The following KBTBD11 variants were observed in gnomAD, a reference collection of about 807,000 sequenced individuals.
KBTBD11 encodes the protein kelch repeat and BTB domain-containing protein 11.
For missense variants in KBTBD11, 1,390 were observed against 1,001.8 expected, an observed-to-expected ratio of 1.39 and a Z score of -5.23; for synonymous variants, 747 against 499.0, an observed-to-expected ratio of 1.50 and a Z score of -6.63.
chr8:1,991,551 CAT>C (rs1198797327), intron 1 of KBTBD11, among the ~76,000 whole-genome samples: 15 of 152,190 alleles, frequency 9.9e-5, no homozygotes, highest in African/African-American at 3.6e-4. Flanking sequence ...CTCTGTGATC[CAT>C]GAGGGCAGGG....
At chr8:1,989,449 A>G (rs1032198053) in intron 1 of KBTBD11, among the ~76,000 whole-genome samples, 4 of 152,196 alleles carry the variant, frequency 2.6e-5, no homozygotes, top group African/African-American at 9.7e-5. Flanking sequence ...TTGACCGCAC[A>G]CTTCTGTGCA....
At chr8:1,980,718 C>T (rs1012023088) in intron 1 of KBTBD11, among the ~76,000 whole-genome samples, 3 of 152,204 alleles carry the variant, frequency 2.0e-5, no homozygotes, top group Non-Finnish European at 2.9e-5. Flanking sequence ...GGTGGCACCA[C>T]GCAGCCGCCA....
rs1360778178 is a variant in KBTBD11 at position 2,002,013 on chromosome 8, G to T, written c.821G>T (p.Gly274Val). The T allele has an allele frequency of 4.6e-5, 65 of 1,411,796 alleles. No individual in the cohort carries two copies. Among genetic ancestry groups the T allele is most frequent in the Non-Finnish European group, 5.6e-5 (60 of 1,072,988 alleles). 87.5% of individuals were successfully genotyped at this position (1,411,796 alleles called of 1,614,324 possible). A position where few individuals can be genotyped will look rare whatever the true frequency, so the allele number is the denominator to read the frequency against. The change falls in exon 2 of 2, where the codon GGC becomes GTC. Residue 274 changes from glycine (G) to valine (V), a missense_variant. Physicochemically the swap from Gly to Val is moderately radical, Grantham distance 109. Transcript: ENST00000320248. The surrounding 1 kb of genome is among the most constrained non-coding windows in gnomAD (Gnocchi z 4.1). Reference protein sequence around the residue: ...LEVLREPAVFGRLSGAERDLL... With the variant: ...LEVLREPAVFVRLSGAERDLL... ...GTGCTGCGCGAGCCCGCCGTGTTCG[G>T]CCGCCTGTCGGGCGCAGAGCGGGAC...
chr8:2,003,009 C>A lies in KBTBD11; in HGVS notation c.1817C>A (p.Pro606Gln). ...TTGGACGTCCGGGGTGTGCTCATCC[C>A]GTTCGCTCTCAGCCTGCCTGAGAAG... is the stretch of plus-strand genomic sequence containing the variant. ...APLDVRGVLI[P>Q]FALSLPEKPP... The change falls in exon 2 of 2, where the codon CCG (proline) becomes CAG (glutamine). Residue 606 changes from proline to glutamine, a missense_variant. Coordinates refer to ENST00000320248, the MANE Select transcript of KBTBD11 (RefSeq NM_014867.3). The A allele has an allele frequency of 7.7e-7, 1 of 1,293,460 alleles. No homozygotes were observed. The highest frequency in any genetic ancestry group is 9.8e-7 in the Non-Finnish European group (1 of 1,020,680). The allele number at this position is 1,293,460 out of a possible 1,614,324, so 80.1% of individuals were successfully genotyped here.
rs138584304 is a variant in KBTBD11 at position 1,991,787 on chromosome 8, C to T, written c.-908-8498C>T. ...GTGAGTGGGCCTTCTCGTTTTAGGA[C>T]GAGATCACTGAATGGAGCAAATTGC... On this transcript the variant is annotated intron_variant, in intron 1 of 1. Coordinates refer to ENST00000320248, the MANE Select transcript of KBTBD11 (RefSeq NM_014867.3). Among the ~76,000 whole-genome samples the T allele has an allele frequency of 7.1e-4, 108 of 151,892 alleles. 1 individual carries two copies. The highest frequency in any genetic ancestry group is 1.9e-3 in the African/African-American group (80 of 41,334).
chr8:1,983,437 C>G (rs111485522), intron 1 of KBTBD11, among the ~76,000 whole-genome samples: 9 of 152,210 alleles, frequency 5.9e-5, no homozygotes, highest in Admixed American at 2.0e-4. Flanking sequence ...GCTCCGTGAC[C>G]TGACCAGGGC....
In KBTBD11 at chr8:2,003,973, C is replaced by T. The variant is rs1296381497; in HGVS notation, c.*909C>T. On this transcript the variant is annotated 3_prime_UTR_variant, in exon 2 of 2. Transcript: ENST00000320248. ...AACGAGATAAAATATTCCTAAAAAG[C>T]GGGGAAAATCATTTTGCTTTGACAG... 3.0e-5 allele frequency: 5 copies of T among 166,692 alleles called. No individual in the cohort carries two copies. The highest frequency in any genetic ancestry group is 9.7e-5 in the African/African-American group (4 of 41,390). 10.3% of individuals were successfully genotyped at this position (166,692 alleles called of 1,614,324 possible).
At chr8:1,975,386 G>A (rs1170595496) in intron 1 of KBTBD11, 2 of 152,244 alleles carry the variant, frequency 1.3e-5, no homozygotes, top group Non-Finnish European at 2.9e-5. Context: ...GTTGACGGTG[G>A]TCCTGTAAGA....
chr8:2,001,763 G>C lies in KBTBD11; in HGVS notation c.571G>C (p.Ala191Pro). The change falls in exon 2 of 2, where the codon GCC becomes CCC. Residue 191 changes from alanine to proline, a missense_variant. Transcript: ENST00000320248. ...LTALRLLLAD[A>P]YSGRMAGVRP... ...GGCGCTGCGGCTGCTCCTCGCCGAC[G>C]CCTACAGCGGGCGCATGGCGGGCGT... 2 of 1,294,054 alleles carry C rather than the reference G, an allele frequency of 1.5e-6. No homozygotes were observed. The highest frequency in any genetic ancestry group is 2.0e-6 in the Non-Finnish European group (2 of 1,023,698). 80.2% of individuals were successfully genotyped at this position (1,294,054 alleles called of 1,614,324 possible).
At position 2,001,208 on chromosome 8, in the gene KBTBD11, G is replaced by GC. The variant is rs1270851663; in HGVS notation, c.21dup (p.Cys8LeufsTer8). The GC allele has an allele frequency of 4.3e-6, 6 of 1,387,884 alleles. No individual in the cohort carries two copies. Among genetic ancestry groups the GC allele is most frequent in the Admixed American group, 3.0e-5 (1 of 33,792 alleles). The allele number at this position is 1,387,884 out of a possible 1,614,324, so 86.0% of individuals were successfully genotyped here. ...CAGCCCGGCCATGGAGCACGCGGTG[G>GC]CCCCCTGCGTCCTCTACCCAGGGAC... On this transcript the variant is annotated frameshift_variant, in exon 2 of 2. Coordinates refer to ENST00000320248, the MANE Select transcript of KBTBD11 (RefSeq NM_014867.3). LOFTEE classifies it low-confidence loss of function (END_TRUNC).
intron 1 of KBTBD11, among the ~76,000 whole-genome samples, chr8:1,999,034 A>T (rs1401910174): frequency 1.3e-5 from 2 of 152,178 alleles, no homozygotes; most frequent in Admixed American, 6.5e-5. Context: ...TACCCTGGGG[A>T]TCAGAGCTTC....
chr8:2,001,349 TC>T lies in KBTBD11; in HGVS notation c.160del (p.Leu54SerfsTer126). ...CTCCGGGGAAGAGTCCCCGCCGCAG[TC>T]CCTCGCCTCAGCGGCGGAAGGCGCG... is the stretch of plus-strand genomic sequence containing the variant. Reference protein sequence around the residue: ...FSSGEESPPQSLASAAEGAAT... With the variant: ...FSSGEESPPQXLASAAEGAAT... On this transcript the variant is annotated frameshift_variant, in exon 2 of 2. Coordinates refer to ENST00000320248, the MANE Select transcript of KBTBD11 (RefSeq NM_014867.3). LOFTEE classifies it low-confidence loss of function (END_TRUNC). 6.7e-7 allele frequency: 1 copy of T among 1,496,152 alleles called. No individual in the cohort carries two copies. The highest frequency in any genetic ancestry group is 8.9e-7 in the Non-Finnish European group (1 of 1,129,406). The allele number at this position is 1,496,152 out of a possible 1,614,324, so 92.7% of individuals were successfully genotyped here. A position where few individuals can be genotyped will look rare whatever the true frequency, so the allele number is the denominator to read the frequency against.
chr8:2,001,464 T>G lies in KBTBD11; in HGVS notation c.272T>G (p.Leu91Arg), dbSNP rs1817351350. 3 of 1,364,286 alleles carry G rather than the reference T, an allele frequency of 2.2e-6. No individual in the cohort carries two copies. Among genetic ancestry groups the G allele is most frequent in the East Asian group, 3.1e-5 (1 of 32,460 alleles). The allele number at this position is 1,364,286 out of a possible 1,614,324, so 84.5% of individuals were successfully genotyped here. ...GSAGAASPEE[L>R]ASPEERACPE... ...GCGGGCGCCGCGTCCCCGGAGGAGC[T>G]CGCGTCCCCTGAGGAGCGCGCGTGC... Residue 91 changes from leucine (L) to arginine (R), a missense_variant, in exon 2 of 2, where the codon CTC (leucine) becomes CGC (arginine). Physicochemically the swap from Leu to Arg is moderately radical, Grantham distance 102. Transcript: ENST00000320248.
chr8:2,006,532 G>C lies in KBTBD11; in HGVS notation c.*3468G>C, dbSNP rs889436856. On this transcript the variant is annotated 3_prime_UTR_variant, in exon 2 of 2. Coordinates refer to ENST00000320248, the MANE Select transcript of KBTBD11 (RefSeq NM_014867.3). Reference sequence around the variant, plus strand: ...AATCTGCAGTTGTTTCAGTTGTCTTGAATTTCTTTCAGTGGCCACATCATT... The same window carrying C: ...AATCTGCAGTTGTTTCAGTTGTCTTCAATTTCTTTCAGTGGCCACATCATT... 6 of 167,040 alleles carry C rather than the reference G, an allele frequency of 3.6e-5. No homozygotes were observed. The highest frequency in any genetic ancestry group is 7.3e-5 in the Non-Finnish European group (5 of 68,120). The allele number at this position is 167,040 out of a possible 1,614,324, so 10.3% of individuals were successfully genotyped here.
rs751497168 is a variant in KBTBD11 at position 2,001,431 on chromosome 8, C to T, written c.239C>T (p.Ala80Val). ...CGGGTGGTGGAGCGGCAGTGGGAGG[C>T]CGGCAGCGCGGGCGCCGCGTCCCCG... is the stretch of plus-strand genomic sequence containing the variant. ...GPRVVERQWE[A>V]GSAGAASPEE... The change falls in exon 2 of 2, where the codon GCC becomes GTC. Residue 80 changes from alanine (A) to valine (V), a missense_variant. By Grantham distance (64) the Ala-to-Val change is moderately conservative. Coordinates refer to ENST00000320248, the MANE Select transcript of KBTBD11 (RefSeq NM_014867.3). 6.0e-5 allele frequency: 81 copies of T among 1,356,436 alleles called. No homozygotes were observed. Among genetic ancestry groups the T allele is most frequent in the South Asian group, 5.9e-4 (33 of 55,870 alleles). 84.0% of individuals were successfully genotyped at this position (1,356,436 alleles called of 1,614,324 possible). A position where few individuals can be genotyped will look rare whatever the true frequency, so the allele number is the denominator to read the frequency against.
At chr8:1,984,802 A>C (rs997446055) in intron 1 of KBTBD11, among the ~76,000 whole-genome samples, 1 of 152,116 alleles carries the variant, frequency 6.6e-6, no homozygotes, top group African/African-American at 2.4e-5. Flanking sequence ...TCATTAAACG[A>C]AAGTGGCAGC....
chr8:1,998,782 T>C (rs1487860093), intron 1 of KBTBD11, among the ~76,000 whole-genome samples: 3 of 138,038 alleles, frequency 2.2e-5, no homozygotes, highest in East Asian at 1.9e-4. Context: ...TTGCTCTCTC[T>C]CTCCTTTGCA....
chr8:2,001,984 G>A lies in KBTBD11; in HGVS notation c.792G>A (p.Leu264=). Reference sequence around the variant, plus strand: ...ACTGCTTCATGAGCGACCACTATCTGGAGGTGCTGCGCGAGCCCGCCGTGT... The same window carrying A: ...ACTGCTTCATGAGCGACCACTATCTAGAGGTGCTGCGCGAGCCCGCCGTGT... ...AAYCFMSDHY[L]EVLREPAVFG... is the part of the protein sequence containing the mutation. The change falls in exon 2 of 2, where the codon CTG becomes CTA. Residue 264 remains leucine, a synonymous_variant. Transcript: ENST00000320248. The A allele has an allele frequency of 1.4e-6, 2 of 1,447,160 alleles. No homozygotes were observed. Among genetic ancestry groups the A allele is most frequent in the Admixed American group, 2.1e-5 (1 of 47,764 alleles). 89.6% of individuals were successfully genotyped at this position (1,447,160 alleles called of 1,614,324 possible). A position where few individuals can be genotyped will look rare whatever the true frequency, so the allele number is the denominator to read the frequency against.
rs567991723 is a variant in KBTBD11 at position 2,001,082 on chromosome 8, C to T, written c.-111C>T. On this transcript the variant is annotated 5_prime_UTR_variant, in exon 2 of 2. Transcript: ENST00000320248. ...GACACACAGAAGTGAAATCTGATCGCGTGCCAGGAAAAGCTGTGAGGCTGG... is the reference window on the plus strand; with the variant it reads ...GACACACAGAAGTGAAATCTGATCGTGTGCCAGGAAAAGCTGTGAGGCTGG... 7.4e-5 allele frequency: 92 copies of T among 1,237,986 alleles called. No homozygotes were observed. The East Asian group carries it at 1.2e-3, about 16-fold the overall frequency. 76.7% of individuals were successfully genotyped at this position (1,237,986 alleles called of 1,614,324 possible).
Sources: gnomAD v4.1 joint callset for allele counts (sites outside exome capture counted in the v4.1 genomes callset) on GRCh38, gnomAD v4.1.1 for gene constraint, Gnocchi (gnomAD v3.1) non-coding constraint, MANE v1.5 for transcripts, NCBI Gene and HGNC (gene_info 2026-07-23, HGNC 2026-07-21) for gene names.